Variants in DLEU7 observed in about 807,000 individuals in gnomAD.
DLEU7 encodes leukemia-associated protein 7.
A neutral mutation model predicts 16.0 loss-of-function variants in DLEU7; 17 were observed. That is an observed-to-expected ratio of 1.06 (90% CI 0.73 to 1.59). The LOEUF is 1.59. Among genes scored for constraint, DLEU7 ranks in the 40% most tolerant of loss-of-function variants. DLEU7 has a pLI of 0.00. For missense variants in DLEU7, 308 were observed against 314.9 expected, an observed-to-expected ratio of 0.98 and a Z score of 0.17; for synonymous variants, 113 against 139.8, an observed-to-expected ratio of 0.81 and a Z score of 1.35.
intron 1 of DLEU7, among the ~76,000 whole-genome samples, chr13:50,777,447 C>G (rs1416526489): frequency 6.6e-6 from 1 of 152,206 alleles, no homozygotes; most frequent in Admixed American, 6.5e-5. Context: ...GCTTCCTGCC[C>G]TTGAACATCA....
chr13:50,792,963 A>G lies in DLEU7; in HGVS notation c.459+50225T>C, dbSNP rs1876007197. ...ATGCCGAGGTTTGGAATATGAATGA[A>G]TTCATCATCCAAGTACTGAATATAA... On this transcript the variant is annotated intron_variant, in intron 1 of 1. Transcript: ENST00000400393. Among the ~76,000 whole-genome samples, 3 of 151,884 alleles carry G rather than the reference A, an allele frequency of 2.0e-5. No individual in the cohort carries two copies. In the South Asian group the frequency reaches 6.2e-4, roughly 31 times the overall value.
chr13:50,838,632 A>T (rs960100946), intron 1 of DLEU7, among the ~76,000 whole-genome samples: 2 of 152,214 alleles, frequency 1.3e-5, no homozygotes, highest in Non-Finnish European at 2.9e-5. Context: ...CTGTCACTAT[A>T]TCAGGTGGCC....
chr13:50,822,614 G>T, downstream of DLEU7: 3 of 982,732 alleles, frequency 3.1e-6, no homozygotes, highest in Non-Finnish European at 3.6e-6. Flanking sequence ...TTTAGAAACA[G>T]TAAAAGCTAG....
intron 1 of DLEU7, among the ~76,000 whole-genome samples, chr13:50,774,604 T>C (rs2137759874): frequency 6.6e-6 from 1 of 152,332 alleles, no homozygotes; most frequent in East Asian, 1.9e-4. Context: ...ATTTGGGATT[T>C]GCGGAGTTTC....
intron 1 of DLEU7, among the ~76,000 whole-genome samples, chr13:50,836,401 A>G (rs545999899): frequency 6.6e-6 from 1 of 152,288 alleles, no homozygotes; most frequent in African/African-American, 2.4e-5. Context: ...GAGGCCGGGC[A>G]TGGTGGCTCA....
At chr13:50,765,318 T>C (rs1875067916) in intron 1 of DLEU7, among the ~76,000 whole-genome samples, 1 of 152,112 alleles carries the variant, frequency 6.6e-6, no homozygotes, top group African/African-American at 2.4e-5. Flanking sequence ...TCCTTCACAT[T>C]AATAAGATGT....
intron 1 of DLEU7, among the ~76,000 whole-genome samples, chr13:50,794,983 GT>G (rs1876071516): frequency 6.6e-6 from 1 of 151,590 alleles, no homozygotes. Flanking sequence ...AAATTACTTG[GT>G]GACGGCTAGG....
intron 1 of DLEU7, among the ~76,000 whole-genome samples, chr13:50,743,654 T>C (rs1179029992): frequency 6.6e-6 from 1 of 152,174 alleles, no homozygotes; most frequent in African/African-American, 2.4e-5. Flanking sequence ...GAAATTTGTA[T>C]TGAGAGCAAC....
rs370391859 is a variant in DLEU7 at position 50,746,078 on chromosome 13, G to A, written c.460-32838C>T. ...AACTTATTACTGATCTGTCTGCTTC[G>A]GTTTCCTTATTCACACAATGGAGAT... On this transcript the variant is annotated intron_variant, in intron 1 of 1. Coordinates refer to the DLEU7 transcript ENST00000400393. Among the ~76,000 whole-genome samples the A allele has an allele frequency of 1.1e-4, 17 of 152,174 alleles. 1 individual carries two copies. In the South Asian group the frequency reaches 3.3e-3, roughly 30 times the overall value.
At chr13:50,743,316 A>G (rs1874305966) in intron 1 of DLEU7, among the ~76,000 whole-genome samples, 1 of 152,174 alleles carries the variant, frequency 6.6e-6, no homozygotes, top group South Asian at 2.1e-4. Flanking sequence ...TCTAAACAGA[A>G]GAGAAGGCTA....
At chr13:50,760,568 G>C (rs901926598) in intron 1 of DLEU7, among the ~76,000 whole-genome samples, 3 of 152,170 alleles carry the variant, frequency 2.0e-5, no homozygotes, top group African/African-American at 7.2e-5. Context: ...TTGCTATGTT[G>C]ACCAGGCTGG....
intron 1 of DLEU7, among the ~76,000 whole-genome samples, chr13:50,811,022 G>A (rs560133387): frequency 1.3e-5 from 2 of 152,148 alleles, no homozygotes; most frequent in Non-Finnish European, 2.9e-5. Context: ...GCAGGAAAGT[G>A]TGTATGTGTG....
chr13:50,740,226 A>G (rs1874214956), intron 1 of DLEU7, among the ~76,000 whole-genome samples: 1 of 152,194 alleles, frequency 6.6e-6, no homozygotes, highest in African/African-American at 2.4e-5. Context: ...ATGAAAACTG[A>G]AACGGTATGC....
At chr13:50,747,848 C>T (rs942339628) in intron 1 of DLEU7, among the ~76,000 whole-genome samples, 1 of 152,176 alleles carries the variant, frequency 6.6e-6, no homozygotes, top group Admixed American at 6.5e-5. Flanking sequence ...CTCTTTTTAT[C>T]CCCCAATGTA....
chr13:50,839,753 C>T (rs1566270950), intron 1 of DLEU7, among the ~76,000 whole-genome samples: 1 of 152,132 alleles, frequency 6.6e-6, no homozygotes. Context: ...AAATAACAGT[C>T]AATAAGAATT....
chr13:50,816,547 A>G (rs892521796), intron 1 of DLEU7, among the ~76,000 whole-genome samples: 2 of 152,112 alleles, frequency 1.3e-5, no homozygotes, highest in Non-Finnish European at 1.5e-5. Context: ...CTTTGCCACA[A>G]TTCTGTGGAA....
In DLEU7 at chr13:50,831,287, A is replaced by T. The variant is rs138787785; in HGVS notation, c.460-7767T>A. On this transcript the variant is annotated intron_variant, in intron 1 of 1. Transcript: ENST00000504404. ...AAAATAAGATTAAGGTTCAACAACA[A>T]AAGTGGAGGCCATCAGTAAGCTTTT... Among the ~76,000 whole-genome samples, 27 of 152,300 alleles carry T rather than the reference A, an allele frequency of 1.8e-4. No homozygotes were observed. The East Asian group carries it at 5.0e-3, about 28-fold the overall frequency.
At chr13:50,767,455 C>CAAAAAAAAAAAAA (rs35091007) in intron 1 of DLEU7, among the ~76,000 whole-genome samples, 6 of 64,484 alleles carry the variant, frequency 9.3e-5, no homozygotes, top group African/African-American at 3.5e-4. Flanking sequence ...GACTCCGTCT[C>CAAAAAAAAAAAAA]AAAAAAAAAA....
intron 1 of DLEU7, among the ~76,000 whole-genome samples, chr13:50,780,649 T>C (rs17074924): frequency 0.011 from 1,733 of 152,262 alleles, 30 homozygotes; most frequent in African/African-American, 0.039. Context: ...GGCTACATAG[T>C]TGCTGAAGTG....
Sources: gnomAD v4.1 joint callset for allele counts (sites outside exome capture counted in the v4.1 genomes callset) on GRCh38, gnomAD v4.1.1 for gene constraint, MANE v1.5 for transcripts, NCBI Gene and HGNC (gene_info 2026-07-23, HGNC 2026-07-21) for gene names.